ADGRL1: variants seen among roughly 807,000 people sequenced by gnomAD.
ADGRL1 encodes CIRL-1.
A neutral mutation model predicts 148.9 loss-of-function variants in ADGRL1; 31 were observed. That is an observed-to-expected ratio of 0.21 (90% confidence interval 0.16 to 0.28). The LOEUF (loss-of-function observed/expected upper bound fraction) is 0.28. Among genes scored for constraint, ADGRL1 ranks in the 10% least tolerant of loss-of-function variants. ADGRL1 has a pLI of 1.00. For missense variants in ADGRL1, 1,521 were observed against 2,058.8 expected (o/e 0.74, Z 5.05); for synonymous variants, 937 against 900.3 (o/e 1.04, Z -0.73).
In ADGRL1 at chr19:14,160,430, C is replaced by A. The variant is rs780983595; in HGVS notation, c.1615-133G>T. On this transcript the variant is annotated intron_variant, in intron 7 of 22. Coordinates refer to ENST00000361434, the MANE Select transcript of ADGRL1 (RefSeq NM_014921.5). This position sits in a 1 kb window ranked among gnomAD's most constrained non-coding sequence, Gnocchi z 5.9. ...CCCCATCGCCATCTGCCCCTTCCCACCCCATCTGTCCCTGCTCCCTTTGTA... is the reference window on the plus strand; with the variant it reads ...CCCCATCGCCATCTGCCCCTTCCCAACCCATCTGTCCCTGCTCCCTTTGTA... The A allele has an allele frequency of 1.1e-6, 1 of 943,600 alleles. No homozygotes were observed. Among genetic ancestry groups the A allele is most frequent in the Non-Finnish European group, 1.6e-6 (1 of 640,142 alleles). The allele number at this position is 943,600 out of a possible 1,614,324, so 58.5% of individuals were successfully genotyped here. A position where few individuals can be genotyped will look rare whatever the true frequency, so the allele number is the denominator to read the frequency against.
Position 14,163,499 on chromosome 19 carries a change from G to GC in ADGRL1, c.395-94_395-93insG, listed in dbSNP as rs1969649379. On this transcript the variant is annotated intron_variant, in intron 4 of 22. Transcript: ENST00000361434. Reference sequence around the variant, plus strand: ...GAGAGAGAGAGAGAGAGAGAGAGAGGGGGGAGAGAGGCAAGTTGGTCACGC... The same window carrying GC: ...GAGAGAGAGAGAGAGAGAGAGAGAGGCGGGGAGAGAGGCAAGTTGGTCACGC... 4 of 740,208 alleles carry GC rather than the reference G, an allele frequency of 5.4e-6. No individual in the cohort carries two copies. In the East Asian group the frequency reaches 8.9e-5, roughly 17 times the overall value. 45.9% of individuals were successfully genotyped at this position (740,208 alleles called of 1,614,324 possible). A position where few individuals can be genotyped will look rare whatever the true frequency, so the allele number is the denominator to read the frequency against.
At chr19:14,167,083 C>T in intron 4 of ADGRL1, 1 of 1,476,962 alleles carries the variant, frequency 6.8e-7, no homozygotes. Context: ...AAAAAATGTG[C>T]AAGAAAAAAA....
At chr19:14,156,289 C>T in intron 16 of ADGRL1, 88 bp from the exon 17 acceptor site, 3 of 1,070,524 alleles carry the variant, frequency 2.8e-6, no homozygotes, top group Non-Finnish European at 4.3e-6. Context: ...CTGGCGAAAT[C>T]TCAGCTGTGG....
intron 1 of ADGRL1, among the ~76,000 whole-genome samples, chr19:14,204,713 TGA>T (rs74181774): frequency 0.34 from 48,008 of 142,618 alleles, 7,721 homozygotes; most frequent in African/African-American, 0.38. Flanking sequence ...ACAGAGAGAG[TGA>T]GAGAGAGAGA....
At chr19:14,183,252 CAAG>C (rs1254353490) in intron 2 of ADGRL1, among the ~76,000 whole-genome samples, 11 of 133,686 alleles carry the variant, frequency 8.2e-5, no homozygotes, top group South Asian at 2.5e-4. Context: ...ATCGGCTCAC[CAAG>C]AAGGCCTGTC....
chr19:14,201,643 T>C (rs558679121), intron 1 of ADGRL1, among the ~76,000 whole-genome samples: 1 of 152,212 alleles, frequency 6.6e-6, no homozygotes, highest in South Asian at 2.1e-4. Flanking sequence ...CTCAAATTCT[T>C]GTCCTCAAGC....
At chr19:14,204,719 A>T (rs1325346089) in intron 1 of ADGRL1, among the ~76,000 whole-genome samples, 1 of 143,666 alleles carries the variant, frequency 7.0e-6, no homozygotes, top group Admixed American at 6.8e-5. Context: ...AGAGTGAGAG[A>T]GAGAGAGAGA....
rs78859526 is a variant in ADGRL1 at position 14,161,941 on chromosome 19, C to T, written c.1196-315G>A. On this transcript the variant is annotated intron_variant, in intron 5 of 22. Coordinates refer to ENST00000361434, the MANE Select transcript of ADGRL1 (RefSeq NM_014921.5). This position sits in a 1 kb window ranked among gnomAD's most constrained non-coding sequence, Gnocchi z 4.4. Reference sequence around the variant, plus strand: ...GGACAGGAATCCTCCCAGGTTGAGCCCGAGGGCAGGAGCCCTCCCCAATCC... The same window carrying T: ...GGACAGGAATCCTCCCAGGTTGAGCTCGAGGGCAGGAGCCCTCCCCAATCC... Among the ~76,000 whole-genome samples the T allele has an allele frequency of 0.023, 3,476 of 152,156 alleles. 145 individuals carry two copies. Among genetic ancestry groups the T allele is most frequent in the African/African-American group, 0.08 (3,303 of 41,492 alleles).
intron 2 of ADGRL1, among the ~76,000 whole-genome samples, chr19:14,182,221 G>A (rs1971247533): frequency 6.6e-6 from 1 of 152,222 alleles, no homozygotes; most frequent in Non-Finnish European, 1.5e-5. Context: ...AGAGCGCAGT[G>A]AGATGATATG....
At chr19:14,182,139 C>T (rs1303092801) in intron 2 of ADGRL1, among the ~76,000 whole-genome samples, 1 of 152,210 alleles carries the variant, frequency 6.6e-6, no homozygotes, top group Non-Finnish European at 1.5e-5. Context: ...CTCTGTCCCT[C>T]CCCTGAGGGG....
intron 3 of ADGRL1, among the ~76,000 whole-genome samples, chr19:14,171,652 A>C (rs1970480584): frequency 6.6e-6 from 1 of 152,174 alleles, no homozygotes; most frequent in South Asian, 2.1e-4. Context: ...ACTTCACACC[A>C]TCTCGTGGAC....
Position 14,163,300 on chromosome 19 carries a change from G to A in ADGRL1, c.501C>T (p.Asp167=), listed in dbSNP as rs766123658. The change falls in exon 5 of 23, where the codon GAC becomes GAT. Residue 167 remains aspartate, a synonymous_variant. Coordinates refer to ENST00000361434, the MANE Select transcript of ADGRL1 (RefSeq NM_014921.5). ...GGATCCAGGGCATCACGTAGATGCGGTCACCCGCCTGCAGCGGGTCCTTGC... is the reference window on the plus strand; with the variant it reads ...GGATCCAGGGCATCACGTAGATGCGATCACCCGCCTGCAGCGGGTCCTTGC... The part of the protein sequence containing the change: ...AWCKDPLQAG[D]RIYVMPWIPY... 3.7e-6 allele frequency: 6 copies of A among 1,613,312 alleles called. No individual in the cohort carries two copies. The highest frequency in any genetic ancestry group is 4.2e-6 in the Non-Finnish European group (5 of 1,179,942).
chr19:14,156,807 C>G, intron 15 of ADGRL1, 83 bp from the exon 16 acceptor site: 1 of 1,528,766 alleles, frequency 6.5e-7, no homozygotes, highest in Non-Finnish European at 8.9e-7. Flanking sequence ...ACTCTGCAGG[C>G]TGCAGCCTCT....
At position 14,157,217 on chromosome 19, in the gene ADGRL1, G is replaced by A. The variant is rs763050870; in HGVS notation, c.2745+34C>T. The A allele has an allele frequency of 5.5e-5, 89 of 1,613,240 alleles. No homozygotes were observed. Among genetic ancestry groups the A allele is most frequent in the Admixed American group, 1.3e-4 (8 of 60,008 alleles). On this transcript the variant is annotated intron_variant, in intron 14 of 22. Transcript: ENST00000361434. This position sits in a 1 kb window ranked among gnomAD's most constrained non-coding sequence, Gnocchi z 7.5. ...CCCCTTCTTCTCCCGGCCCCCAGGC[G>A]CTGGCCGTCACCTGCCCTAGAGTCC...
At position 14,157,424 on chromosome 19, in the gene ADGRL1, T is replaced by C. The variant is rs2144676291; in HGVS notation, c.2572A>G (p.Ile858Val). ...GAGATCACAATGCCCACCCAGGTGATGACCGACAGCAGCAGCTCGTTGATG... is the reference window on the plus strand; with the variant it reads ...GAGATCACAATGCCCACCCAGGTGACGACCGACAGCAGCAGCTCGTTGATG... ...GRINELLLSV[I>V]TWVGIVISLV... Residue 858 changes from isoleucine to valine, a missense_variant, in exon 14 of 23, where the codon ATC (isoleucine) becomes GTC (valine). By Grantham distance (29) the Ile-to-Val change is conservative. Coordinates refer to ENST00000361434, the MANE Select transcript of ADGRL1 (RefSeq NM_014921.5). The surrounding 1 kb of genome is among the most constrained non-coding windows in gnomAD (Gnocchi z 7.5). 1.2e-6 allele frequency: 2 copies of C among 1,614,128 alleles called. No individual in the cohort carries two copies. The highest frequency in any genetic ancestry group is 2.2e-5 in the East Asian group (1 of 44,874).
Position 14,149,497 on chromosome 19 carries a change from A to G in ADGRL1, c.*1376T>C, listed in dbSNP as rs1967937721. Reference sequence around the variant, plus strand: ...TTCCCCGGCGAGAGTCCCCAGAGCAATATACAAGAAGCAGGAACTCAAAGG... The same window carrying G: ...TTCCCCGGCGAGAGTCCCCAGAGCAGTATACAAGAAGCAGGAACTCAAAGG... On this transcript the variant is annotated 3_prime_UTR_variant, in exon 23 of 23. Coordinates refer to ENST00000361434, the MANE Select transcript of ADGRL1 (RefSeq NM_014921.5). 6.5e-6 allele frequency: 1 copy of G among 152,836 alleles called. No individual in the cohort carries two copies. 9.5% of individuals were successfully genotyped at this position (152,836 alleles called of 1,614,324 possible). A position where few individuals can be genotyped will look rare whatever the true frequency, so the allele number is the denominator to read the frequency against.
At chr19:14,183,180 G>A (rs1051293448) in intron 2 of ADGRL1, among the ~76,000 whole-genome samples, 1 of 129,502 alleles carries the variant, frequency 7.7e-6, no homozygotes, top group African/African-American at 2.7e-5. Context: ...TGAGAGCCTC[G>A]AAGATGTAAT....
Position 14,159,049 on chromosome 19 carries a change from G to A in ADGRL1, c.2149+41C>T. ...TGGCACAGAGCTGGGGGGTGGGGGT[G>A]GGGCTGCTTCCCCACCCGAGGCCCC... On this transcript the variant is annotated intron_variant, in intron 11 of 22. Transcript: ENST00000361434. The surrounding 1 kb of genome is among the most constrained non-coding windows in gnomAD (Gnocchi z 6.0). 1 of 1,610,026 alleles carries A rather than the reference G, an allele frequency of 6.2e-7. No homozygotes were observed. Among genetic ancestry groups the A allele is most frequent in the South Asian group, 1.1e-5 (1 of 90,924 alleles).
At position 14,158,395 on chromosome 19, in the gene ADGRL1, C is replaced by T; in HGVS notation, c.2307G>A (p.Lys769=). Residue 769 remains lysine, a synonymous_variant, in exon 12 of 23, where the codon AAG becomes AAA. Transcript: ENST00000361434. ...CCATGAGGAAGACGCGGCTGGACTCCTTGTTGATGGATGCTGCGATGACCT... is the reference window on the plus strand; with the variant it reads ...CCATGAGGAAGACGCGGCTGGACTCTTTGTTGATGGATGCTGCGATGACCT... ...NSQVIAASIN[K]ESSRVFLMDP... 1 of 1,613,774 alleles carries T rather than the reference C, an allele frequency of 6.2e-7. No individual in the cohort carries two copies. Among genetic ancestry groups the T allele is most frequent in the Non-Finnish European group, 8.5e-7 (1 of 1,180,028 alleles).
Sources: allele counts gnomAD v4.1 joint callset (sites outside exome capture counted in the v4.1 genomes callset), GRCh38; gene constraint gnomAD v4.1.1; non-coding constraint Gnocchi (gnomAD v3.1); transcripts MANE v1.5; gene names NCBI Gene and HGNC (gene_info 2026-07-23, HGNC 2026-07-21).